COL16A1: variants seen among roughly 807,000 people sequenced by gnomAD.
The protein encoded by COL16A1 is collagen alpha-1(XVI) chain.
A neutral mutation model predicts 266.3 loss-of-function variants in COL16A1; 189 were observed. The observed-to-expected ratio is 0.71, with a 90% CI of 0.63 to 0.80. The LOEUF (loss-of-function observed/expected upper bound fraction) is 0.80. Among genes scored for constraint, COL16A1 ranks in the 30% least tolerant of loss-of-function variants. COL16A1 has a pLI of 0.00. For missense variants in COL16A1, 1,928 were observed against 2,122.4 expected (o/e 0.91, Z 1.80); for synonymous variants, 740 against 782.3 (o/e 0.95, Z 0.90).
At chr1:31,658,615 A>G (rs1483250051) in intron 63 of COL16A1, 38 bp from the exon 64 acceptor site, 1 of 1,546,998 alleles carries the variant, frequency 6.5e-7, no homozygotes, top group South Asian at 1.2e-5. Flanking sequence ...AGGGGAGGAA[A>G]GCAGGCAAAG....
Position 31,656,990 on chromosome 1 carries a change from A to G in COL16A1, c.4056+43T>C, listed in dbSNP as rs376142109. The G allele has an allele frequency of 1.9e-5, 31 of 1,613,812 alleles. No homozygotes were observed. The African/African-American group carries it at 3.9e-4, about 20-fold the overall frequency. On this transcript the variant is annotated intron_variant, in intron 65 of 70. Transcript: ENST00000373672. The surrounding 1 kb of genome is among the most constrained non-coding windows in gnomAD (Gnocchi z 4.2). Reference sequence around the variant, plus strand: ...AGGGGTCAGGGCAAGGCGAGGAGCAAGAAGCACCCCCAAGGAAACAGAGAA... The same window carrying G: ...AGGGGTCAGGGCAAGGCGAGGAGCAGGAAGCACCCCCAAGGAAACAGAGAA...
Position 31,696,980 on chromosome 1 carries a change from C to T in COL16A1, c.847G>A (p.Glu283Lys), listed in dbSNP as rs1644530412. The T allele has an allele frequency of 6.2e-7, 1 of 1,614,004 alleles. No individual in the cohort carries two copies. Among genetic ancestry groups the T allele is most frequent in the African/African-American group, 1.3e-5 (1 of 74,938 alleles). Residue 283 changes from glutamate (E) to lysine (K), a missense_variant, in exon 8 of 71, where the codon GAG becomes AAG. Transcript: ENST00000373672. ...KVYTRCFCLEEPQNSEVDAQL... is the reference protein window; with the variant it reads ...KVYTRCFCLEKPQNSEVDAQL... ...CCACCCACCTCGCTGTTTTGAGGCT[C>T]CTCCAGGCAGAAGCAGCGGGTGTAG...
Position 31,670,624 on chromosome 1 carries a change from G to A in COL16A1, c.3173C>T (p.Ala1058Val), listed in dbSNP as rs1642585207. The A allele has an allele frequency of 7.0e-7, 1 of 1,422,774 alleles. No individual in the cohort carries two copies. The highest frequency in any genetic ancestry group is 3.0e-5 in the East Asian group (1 of 32,844). The allele number at this position is 1,422,774 out of a possible 1,614,324, so 88.1% of individuals were successfully genotyped here. Residue 1058 changes from alanine (A) to valine (V), a missense_variant, in exon 49 of 71, where the codon GCT becomes GTT. Transcript: ENST00000373672. This position sits in a 1 kb window ranked among gnomAD's most constrained non-coding sequence, Gnocchi z 4.5. ...TACAGGCAATCCGGGGGAGCCAACA[G>A]CACCAGGAAAACCTGGGGGGCCCTG... Reference protein sequence around the residue: ...GPIGPPGFPGAVGSPGLPGLQ... With the variant: ...GPIGPPGFPGVVGSPGLPGLQ...
chr1:31,674,656 C>G (rs1643024607), intron 44 of COL16A1, among the ~76,000 whole-genome samples: 1 of 152,234 alleles, frequency 6.6e-6, no homozygotes, highest in South Asian at 2.1e-4. Flanking sequence ...GCACTTTCAC[C>G]CCCTCTGCTT....
intron 16 of COL16A1, among the ~76,000 whole-genome samples, 164 bp from the exon 17 acceptor site, chr1:31,692,231 A>C (rs1334057564): frequency 6.6e-6 from 1 of 151,826 alleles, no homozygotes; most frequent in Non-Finnish European, 1.5e-5. Context: ...AGACCAGACA[A>C]CAGGTAGAAC....
At position 31,657,944 on chromosome 1, in the gene COL16A1, C is replaced by T. The variant is rs1641310084; in HGVS notation, c.4020+544G>A. ...AACCTGCCTAACCTTGCGGAGCCCC[C>T]GTTTCCTCATCTGTAAAATGGGGAC... On this transcript the variant is annotated intron_variant, in intron 64 of 70. Coordinates refer to ENST00000373672, the MANE Select transcript of COL16A1 (RefSeq NM_001856.4). The surrounding 1 kb of genome is among the most constrained non-coding windows in gnomAD (Gnocchi z 6.4). Among the ~76,000 whole-genome samples, 1 of 152,198 alleles carries T rather than the reference C, an allele frequency of 6.6e-6. No individual in the cohort carries two copies. The highest frequency in any genetic ancestry group is 6.5e-5 in the Admixed American group (1 of 15,290).
chr1:31,657,302 C>T lies in COL16A1; in HGVS notation c.4021-234G>A. On this transcript the variant is annotated intron_variant, in intron 64 of 70. Transcript: ENST00000373672. This position sits in a 1 kb window ranked among gnomAD's most constrained non-coding sequence, Gnocchi z 6.4. The stretch of plus-strand genomic sequence containing the variant: ...CCAGCCCCCGTCTACAAGAGCTTTA[C>T]AAGGGAAGAACAGACCGTGCCTGCC... The T allele has an allele frequency of 1.7e-6, 1 of 591,316 alleles. No homozygotes were observed. The highest frequency in any genetic ancestry group is 3.0e-6 in the Non-Finnish European group (1 of 331,488). 36.6% of individuals were successfully genotyped at this position (591,316 alleles called of 1,614,324 possible).
intron 44 of COL16A1, 110 bp downstream of exon 44, chr1:31,674,897 G>A: frequency 2.0e-6 from 3 of 1,505,834 alleles, no homozygotes; most frequent in South Asian, 2.5e-5. Flanking sequence ...CGTATTCCCT[G>A]CAAACTGCTG....
At position 31,653,606 on chromosome 1, in the gene COL16A1, G is replaced by T. The variant is rs1042836737; in HGVS notation, c.4605C>A (p.Gly1535=). The T allele has an allele frequency of 3.7e-6, 6 of 1,613,760 alleles. No individual in the cohort carries two copies. Among genetic ancestry groups the T allele is most frequent in the Admixed American group, 1.7e-5 (1 of 59,978 alleles). Residue 1535 remains glycine, a synonymous_variant, in exon 70 of 71, where the codon GGC becomes GGA. Transcript: ENST00000373672. ...IGIAGENGLP[G]PPGPQGPPGY... ...AATGGTGGTATTTCCTACCTGGGGG[G>T]CCGGGAAGACCATTTTCTCCTGCAA...
Position 31,656,258 on chromosome 1 carries a change from C to G in COL16A1, c.4101+142G>C. The G allele has an allele frequency of 1.4e-6, 2 of 1,419,366 alleles. No homozygotes were observed. The allele number at this position is 1,419,366 out of a possible 1,614,324, so 87.9% of individuals were successfully genotyped here. On this transcript the variant is annotated intron_variant, in intron 66 of 70. Transcript: ENST00000373672. The surrounding 1 kb of genome is among the most constrained non-coding windows in gnomAD (Gnocchi z 4.2). ...ACCCCATGTGAGAAATTTTCAGACA[C>G]TATCCTGCTCCAAGTTCTGCATTTT...
In COL16A1 at chr1:31,679,690, G is replaced by C; in HGVS notation, c.2719-5C>G. 1.9e-6 allele frequency: 3 copies of C among 1,614,024 alleles called. No individual in the cohort carries two copies. The East Asian group carries it at 6.7e-5, about 36-fold the overall frequency. The stretch of plus-strand genomic sequence containing the variant: ...TCCGGGAATACCTGGTGGACCCTGA[G>C]GGAGAGAGAAAAGAGTCAGAGCCAG... On this transcript the variant is annotated splice_region_variant and splice_polypyrimidine_tract_variant and intron_variant, in intron 41 of 70. Transcript: ENST00000373672.
rs1409182523 is a variant in COL16A1 at position 31,698,198 on chromosome 1, G to A, written c.391-26C>T. On this transcript the variant is annotated intron_variant, in intron 5 of 70. Coordinates refer to ENST00000373672, the MANE Select transcript of COL16A1 (RefSeq NM_001856.4). The surrounding 1 kb of genome is among the most constrained non-coding windows in gnomAD (Gnocchi z 4.1). ...CTGGGTAGAATTTGGAAAGGGAAAG[G>A]ACAGAGATTCAGAGCTCCAGAGTCA... The A allele has an allele frequency of 1.2e-6, 2 of 1,611,782 alleles. No homozygotes were observed. The highest frequency in any genetic ancestry group is 8.5e-7 in the Non-Finnish European group (1 of 1,178,892).
At chr1:31,678,611 A>G (rs1221647076) in intron 42 of COL16A1, among the ~76,000 whole-genome samples, 5 of 152,198 alleles carry the variant, frequency 3.3e-5, no homozygotes, top group African/African-American at 1.2e-4. Flanking sequence ...GTAAAATAAT[A>G]ATAGTACTCA....
At chr1:31,686,953 A>G (rs563624607) in intron 26 of COL16A1, among the ~76,000 whole-genome samples, 7 of 152,354 alleles carry the variant, frequency 4.6e-5, no homozygotes, top group African/African-American at 1.7e-4. Flanking sequence ...GAAGGGGAAG[A>G]AGCGGATGAA....
chr1:31,684,596 G>A lies in COL16A1; in HGVS notation c.2087C>T (p.Pro696Leu), dbSNP rs935706446. The A allele has an allele frequency of 3.3e-5, 53 of 1,613,762 alleles. No homozygotes were observed. The highest frequency in any genetic ancestry group is 4.4e-5 in the South Asian group (4 of 91,076). ...CAGTCCTGGCCGCCCTGTGGTGCCC[G>A]GCGTTCCAGGGTCTCCAGGATTCCC... ...DAGNPGDPGT[P>L]GTTGRPGLSG... The change falls in exon 31 of 71, where the codon CCG (proline) becomes CTG (leucine). Residue 696 changes from proline to leucine, a missense_variant. Physicochemically the swap from Pro to Leu is moderately conservative, Grantham distance 98 (BLOSUM62 -3). Coordinates refer to ENST00000373672, the MANE Select transcript of COL16A1 (RefSeq NM_001856.4).
chr1:31,672,656 G>C lies in COL16A1; in HGVS notation c.2977-19C>G. 6.2e-7 allele frequency: 1 copy of C among 1,605,698 alleles called. No individual in the cohort carries two copies. The highest frequency in any genetic ancestry group is 8.5e-7 in the Non-Finnish European group (1 of 1,175,072). ...AAAAGCACTGCAAGGGACAATGAGA[G>C]GCACATTGTCTGATGAGGCAGCCAG... On this transcript the variant is annotated intron_variant, in intron 45 of 70. Transcript: ENST00000373672.
At chr1:31,672,373 G>A (rs1378945687) in intron 47 of COL16A1, 43 bp downstream of exon 47, 1 of 1,610,422 alleles carries the variant, frequency 6.2e-7, no homozygotes, top group Non-Finnish European at 8.5e-7. Flanking sequence ...AGGCAGACAG[G>A]GCCCCAGCTC....
rs899835872 is a variant in COL16A1, at chr1:31,700,179, G to A, written c.74-64C>T. On this transcript the variant is annotated intron_variant, in intron 2 of 70. Transcript: ENST00000373672. ...GGCCAAGGTTGCTGCACGGCTGGAC[G>A]CCTGGGGAACCTGGGAGGGAGCAAG... is the stretch of plus-strand genomic sequence containing the variant. The A allele has an allele frequency of 2.6e-5, 40 of 1,512,930 alleles. No individual in the cohort carries two copies. The East Asian group carries it at 4.7e-4, about 18-fold the overall frequency. 93.7% of individuals were successfully genotyped at this position (1,512,930 alleles called of 1,614,324 possible). A position where few individuals can be genotyped will look rare whatever the true frequency, so the allele number is the denominator to read the frequency against.
chr1:31,699,782 T>C, intron 4 of COL16A1, 31 bp downstream of exon 4: 1 of 1,364,642 alleles, frequency 7.3e-7, no homozygotes, highest in Non-Finnish European at 1.0e-6. Flanking sequence ...AGGTCAGTGT[T>C]GATTCTCAGT....
Sources: allele counts gnomAD v4.1 joint callset (sites outside exome capture counted in the v4.1 genomes callset), GRCh38; gene constraint gnomAD v4.1.1; non-coding constraint Gnocchi (gnomAD v3.1); transcripts MANE v1.5; gene names NCBI Gene and HGNC (gene_info 2026-07-23, HGNC 2026-07-21).